Variants in ZFP64 observed in about 807,000 individuals in gnomAD.
The protein encoded by ZFP64 is ZFP64 zinc finger protein, also known as zinc finger protein 64.
Under a neutral mutation model 51.6 loss-of-function variants are expected in ZFP64, and 14 were observed. The observed-to-expected ratio is 0.27, with a 90% CI of 0.18 to 0.42. ZFP64 has a LOEUF of 0.42. Ranked by LOEUF, ZFP64 falls within the 10% of genes least tolerant of loss-of-function variation. ZFP64 has a pLI of 1.00. For synonymous variants in ZFP64, 375 were observed against 361.4 expected (o/e 1.04, Z -0.43); for missense variants, 754 against 906.8 (o/e 0.83, Z 2.16).
At chr20:52,105,057 G>C in intron 5 of ZFP64, 1 of 1,390,090 alleles carries the variant, frequency 7.2e-7, no homozygotes, top group Non-Finnish European at 9.3e-7. Context: ...CCCGGTCCTC[G>C]TACCCGCGCG....
chr20:52,185,650 G>A (rs1406184682), intron 2 of ZFP64, among the ~76,000 whole-genome samples: 2 of 143,100 alleles, frequency 1.4e-5, no homozygotes, highest in Admixed American at 7.4e-5. Context: ...GCACGATCTC[G>A]GCTCAATGCA....
At position 52,085,184 on chromosome 20, in the gene ZFP64, C is replaced by G. The variant is rs1385436264; in HGVS notation, c.1311G>C (p.Ser437=). ...ACTCGCACTTGAAAGGCTTCTCCCC[C>G]GAGTGCACGATCATGTGCCTTTTCA... Residue 437 remains serine, a synonymous_variant, in exon 9 of 9, where the codon TCG becomes TCC. Coordinates refer to the ZFP64 transcript ENST00000361387. The surrounding 1 kb of genome is among the most constrained non-coding windows in gnomAD (Gnocchi z 4.3). The G allele has an allele frequency of 6.2e-7, 1 of 1,614,094 alleles. No individual in the cohort carries two copies. Among genetic ancestry groups the G allele is most frequent in the Admixed American group, 1.7e-5 (1 of 60,008 alleles).
At chr20:52,105,253 C>T in intron 5 of ZFP64, 1 of 1,332,048 alleles carries the variant, frequency 7.5e-7, no homozygotes. Flanking sequence ...GAGGACCGGG[C>T]TCCCCGCGCG....
intron 2 of ZFP64, among the ~76,000 whole-genome samples, chr20:52,167,639 T>C (rs977536071): frequency 4.6e-5 from 7 of 151,964 alleles, no homozygotes; most frequent in Non-Finnish European, 1.0e-4. Flanking sequence ...CATATGAAGA[T>C]TGGGTTTCAA....
At chr20:52,139,842 T>A (rs1306687513) in intron 5 of ZFP64, among the ~76,000 whole-genome samples, 1 of 143,222 alleles carries the variant, frequency 7.0e-6, no homozygotes, top group Non-Finnish European at 1.5e-5. Flanking sequence ...TTGCGGGCGC[T>A]GAGTTGTTTT....
At chr20:52,120,667 CTTTTTTTTTTTTTT>C (rs11469627) in intron 5 of ZFP64, among the ~76,000 whole-genome samples, 2 of 57,436 alleles carry the variant, frequency 3.5e-5, no homozygotes, top group East Asian at 6.0e-4. Context: ...GATCAGTGAT[CTTTTTTTTTTTTTT>C]TTTTTTTTTT....
exon 6 of ZFP64, chr20:52,098,445 G>A: frequency 6.2e-7 from 1 of 1,614,018 alleles, no homozygotes; most frequent in Non-Finnish European, 8.5e-7. Flanking sequence ...TACCTGGGTA[G>A]CAACAGTTGA....
intron 5 of ZFP64, among the ~76,000 whole-genome samples, chr20:52,125,182 C>T (rs940865309): frequency 6.6e-6 from 1 of 152,182 alleles, no homozygotes; most frequent in Non-Finnish European, 1.5e-5. Context: ...CAGATGCAAC[C>T]AGAGCTTCTC....
intron 7 of ZFP64, among the ~76,000 whole-genome samples, chr20:52,090,805 T>C (rs2122712957): frequency 6.7e-6 from 1 of 150,326 alleles, no homozygotes; most frequent in Admixed American, 6.6e-5. Flanking sequence ...TTTTTTTTTT[T>C]TTTGAGACAG....
At chr20:52,148,547 A>G (rs1980633776), downstream of ZFP64, among the ~76,000 whole-genome samples, 2 of 152,166 alleles carry the variant, frequency 1.3e-5, no homozygotes, top group African/African-American at 4.8e-5. Context: ...CTAAAAATAC[A>G]AAAATTAGCC....
chr20:52,129,142 C>T (rs990426340), intron 5 of ZFP64, among the ~76,000 whole-genome samples: 3 of 151,158 alleles, frequency 2.0e-5, no homozygotes, highest in Non-Finnish European at 4.4e-5. Context: ...AGAGCAGTGG[C>T]GCGATCTCGG....
chr20:52,178,315 G>A (rs933156606), intron 2 of ZFP64, among the ~76,000 whole-genome samples: 6 of 152,108 alleles, frequency 3.9e-5, no homozygotes, highest in Admixed American at 6.6e-5. Flanking sequence ...TTTGAGACCC[G>A]GTTCTGCCAC....
intron 5 of ZFP64, chr20:52,110,954 A>C: frequency 6.5e-7 from 1 of 1,546,306 alleles, no homozygotes; most frequent in Non-Finnish European, 8.9e-7. Flanking sequence ...TGGGTGTTGA[A>C]CTTCACCAAG....
At chr20:52,093,365 C>T (rs1323667330) in intron 7 of ZFP64, among the ~76,000 whole-genome samples, 2 of 152,164 alleles carry the variant, frequency 1.3e-5, no homozygotes, top group Non-Finnish European at 2.9e-5. Flanking sequence ...GTCTTGAACT[C>T]CTGACCTCAG....
At position 52,186,548 on chromosome 20, in the gene ZFP64, C is replaced by CT. The variant is rs969481235; in HGVS notation, c.286+283dup. On this transcript the variant is annotated intron_variant, in intron 2 of 5. Transcript: ENST00000216923. ...TTATTGCAACGTATTTTCTGCCAGC[C>CT]TTTTTTTTTTCCTATAGTATATAGA... 5.5e-3 allele frequency among the ~76,000 whole-genome samples: 811 copies of CT among 148,664 alleles called. 6 individuals carry two copies. Among genetic ancestry groups the CT allele is most frequent in the African/African-American group, 0.018 (748 of 40,548 alleles).
chr20:52,153,117 G>A lies in ZFP64; in HGVS notation c.1075C>T (p.Arg359Cys). 1 of 1,614,204 alleles carries A rather than the reference G, an allele frequency of 6.2e-7. No individual in the cohort carries two copies. The highest frequency in any genetic ancestry group is 8.5e-7 in the Non-Finnish European group (1 of 1,180,048). The change falls in exon 6 of 6, where the codon CGC becomes TGC. Residue 359 changes from arginine (R) to cysteine (C), a missense_variant. Physicochemically the swap from Arg to Cys is radical, Grantham distance 180. This residue lies in a region of ZFP64 where 428 missense variants were observed against 472.4 expected (regional missense o/e 0.91). Transcript: ENST00000216923. This position sits in a 1 kb window ranked among gnomAD's most constrained non-coding sequence, Gnocchi z 5.1. ...SYSCSSKAAL[R>C]IHERIHCTDR... Reference sequence around the variant, plus strand: ...GTGCAGTGGATACGCTCGTGGATGCGCAGGGCGGCCTTGCTGGAGCAGGAG... The same window carrying A: ...GTGCAGTGGATACGCTCGTGGATGCACAGGGCGGCCTTGCTGGAGCAGGAG...
rs140337672 is a variant in ZFP64 at position 52,094,716 on chromosome 20, G to C, written c.976+2657C>G. On this transcript the variant is annotated intron_variant, in intron 7 of 8. Coordinates refer to the ZFP64 transcript ENST00000361387. ...CTACTGCATTCCAGCCTGGGTGACA[G>C]AGCAAGAGAAGACCCTGTCTCAAAA... Among the ~76,000 whole-genome samples the C allele has an allele frequency of 1.2e-3, 181 of 152,156 alleles. 2 individuals are homozygous for C. Among genetic ancestry groups the C allele is most frequent in the African/African-American group, 4.2e-3 (173 of 41,482 alleles).
rs1389441748 is a variant in ZFP64, at chr20:52,097,109, GC to G, written c.976+263del. On this transcript the variant is annotated intron_variant, in intron 7 of 8. Coordinates refer to the ZFP64 transcript ENST00000361387. ...TTATTTCTCTTCTCAGCAGCTGGCT[GC>G]CCTAAAAAAAAAAGCACCTTTAAGA... is the stretch of plus-strand genomic sequence containing the variant. 6 of 683,400 alleles carry G rather than the reference GC, an allele frequency of 8.8e-6. No homozygotes were observed. In the Admixed American group the frequency reaches 1.2e-4, roughly 13 times the overall value. 42.3% of individuals were successfully genotyped at this position (683,400 alleles called of 1,614,324 possible).
chr20:52,173,104 A>T (rs1982889276), intron 2 of ZFP64, among the ~76,000 whole-genome samples: 1 of 152,100 alleles, frequency 6.6e-6, no homozygotes, highest in South Asian at 2.1e-4. Flanking sequence ...TTTTCTACCA[A>T]ATTGCCTTTC....
Sources: gnomAD v4.1 joint callset for allele counts (sites outside exome capture counted in the v4.1 genomes callset) on GRCh38, gnomAD v4.1.1 for gene constraint, gnomAD v4.1.1 regional missense constraint, Gnocchi (gnomAD v3.1) non-coding constraint, MANE v1.5 for transcripts, NCBI Gene and HGNC (gene_info 2026-07-23, HGNC 2026-07-21) for gene names.